PDE1A: variants seen among roughly 807,000 people sequenced by gnomAD.
The protein encoded by PDE1A is phosphodiesterase 1A, also known as dual specificity calcium/calmodulin-dependent 3',5'-cyclic nucleotide phosphodiesterase 1A.
In PDE1A, 35 loss-of-function variants were observed where a neutral mutation model predicts 61.7. That is an observed-to-expected ratio of 0.57 (90% confidence interval 0.43 to 0.75). PDE1A has a LOEUF of 0.75. Ranked by LOEUF, PDE1A falls within the 30% of genes least tolerant of loss-of-function variation. PDE1A has a pLI of 0.00. For missense variants in PDE1A, 597 were observed against 630.6 expected, an observed-to-expected ratio of 0.95 and a Z score of 0.57; for synonymous variants, 232 against 213.2, an observed-to-expected ratio of 1.09 and a Z score of -0.77.
At chr2:182,536,845 G>C in the PDE1A span, among the ~76,000 whole-genome samples, 1 of 152,128 alleles carries the variant, frequency 6.6e-6, no homozygotes, top group Non-Finnish European at 1.5e-5. Flanking sequence ...TGCCTTTGGA[G>C]CCTTGAGCCA....
intron 1 of PDE1A, among the ~76,000 whole-genome samples, chr2:182,382,177 A>C (rs1700775572): frequency 6.6e-6 from 1 of 152,202 alleles, no homozygotes; most frequent in South Asian, 2.1e-4. Context: ...GTAAAGCTAG[A>C]CTTAAAATTA....
chr2:182,440,511 A>G (rs908363698), intron 2 of PDE1A, among the ~76,000 whole-genome samples: 3 of 152,052 alleles, frequency 2.0e-5, no homozygotes, highest in East Asian at 1.9e-4. Flanking sequence ...CTTCCACTCA[A>G]CTGCAGCAAA....
intron 1 of PDE1A, among the ~76,000 whole-genome samples, chr2:182,282,955 C>T (rs1035153318): frequency 2.6e-5 from 4 of 151,928 alleles, no homozygotes; most frequent in African/African-American, 9.7e-5. Flanking sequence ...ACAGAAGAGG[C>T]ATGTCTAAAA....
At chr2:182,382,134 C>G (rs374533170) in intron 1 of PDE1A, among the ~76,000 whole-genome samples, 2 of 152,060 alleles carry the variant, frequency 1.3e-5, no homozygotes, top group Admixed American at 1.3e-4. Flanking sequence ...GAAACTGTGA[C>G]TATGATAAAA....
intron 1 of PDE1A, among the ~76,000 whole-genome samples, chr2:182,291,157 C>A (rs79052991): frequency 0.01 from 1,553 of 152,224 alleles, 28 homozygotes; most frequent in South Asian, 0.068. Flanking sequence ...GGTCCATCCT[C>A]CTTCTAGACC....
the PDE1A span, among the ~76,000 whole-genome samples, chr2:182,541,606 A>T: frequency 2.0e-5 from 3 of 152,190 alleles, no homozygotes; most frequent in African/African-American, 7.2e-5. Flanking sequence ...GCTGTGAGAA[A>T]AGCTGCCCTA....
At chr2:182,454,415 C>A (rs1290814373) in intron 2 of PDE1A, among the ~76,000 whole-genome samples, 14 of 152,228 alleles carry the variant, frequency 9.2e-5, no homozygotes, top group East Asian at 1.9e-4. Context: ...TTGGAAAAAA[C>A]TACTTTAAAG....
chr2:182,450,527 C>T (rs1313769622), intron 2 of PDE1A, among the ~76,000 whole-genome samples: 5 of 148,874 alleles, frequency 3.4e-5, no homozygotes, highest in African/African-American at 2.5e-5. Context: ...ATACCAATGA[C>T]ATCAAGCTAG....
chr2:182,210,362 A>G (rs1264011784), intron 7 of PDE1A, among the ~76,000 whole-genome samples: 2 of 152,104 alleles, frequency 1.3e-5, no homozygotes, highest in Non-Finnish European at 2.9e-5. Context: ...CTATTGATCT[A>G]TTTGGTATCT....
downstream of PDE1A, among the ~76,000 whole-genome samples, chr2:182,143,957 A>C (rs534288086): frequency 1.3e-5 from 2 of 152,302 alleles, no homozygotes; most frequent in East Asian, 3.9e-4. Context: ...TCTAGATCAG[A>C]TAGGCATACG....
the PDE1A span, among the ~76,000 whole-genome samples, chr2:182,577,931 CGGAAGGAAGGAAGGAAGGAA>C: frequency 0.032 from 2,622 of 82,224 alleles, 81 homozygotes; most frequent in African/African-American, 0.1. Flanking sequence ...AGAAAGAAAA[CGGAAGGAAGGAAGGAAGGAA>C]GGAAGGAAGG....
At position 182,209,343 on chromosome 2, in the gene PDE1A, C is replaced by A. The variant is rs142810800; in HGVS notation, c.777-3278G>T. ...TATCACGAGAACAGTATGGGGGAAA[C>A]CACCCCCATGATTCAATTATCTCCC... On this transcript the variant is annotated intron_variant, in intron 7 of 13. Coordinates refer to ENST00000351439, the Ensembl canonical transcript of PDE1A. Among the ~76,000 whole-genome samples, 540 of 151,950 alleles carry A rather than the reference C, an allele frequency of 3.6e-3. 1 individual carries two copies. The highest frequency in any genetic ancestry group is 6.1e-3 in the Non-Finnish European group (414 of 67,948).
rs566939963 is a variant in PDE1A at position 182,226,596 on chromosome 2, G to A, written c.676-2632C>T. 9.3e-5 allele frequency among the ~76,000 whole-genome samples: 14 copies of A among 149,840 alleles called. No individual in the cohort carries two copies. The South Asian group carries it at 2.1e-3, about 22-fold the overall frequency. On this transcript the variant is annotated intron_variant, in intron 6 of 13. Transcript: ENST00000351439. ...AGGAATTCTAACTCAGAAAACAGGT[G>A]CTTAAATTCATAAATTTTATAAATG...
the PDE1A span, among the ~76,000 whole-genome samples, chr2:182,539,264 T>C: frequency 6.6e-6 from 1 of 152,218 alleles, no homozygotes; most frequent in Non-Finnish European, 1.5e-5. Flanking sequence ...GTGAAATTCA[T>C]ATCATAAAAG....
chr2:182,442,118 T>C (rs1234571409), intron 2 of PDE1A, among the ~76,000 whole-genome samples: 1 of 152,066 alleles, frequency 6.6e-6, no homozygotes, highest in African/African-American at 2.4e-5. Context: ...AATGGGAATA[T>C]TACTGGTATT....
intron 1 of PDE1A, among the ~76,000 whole-genome samples, chr2:182,423,792 T>C (rs1001207882): frequency 6.6e-6 from 1 of 151,968 alleles, no homozygotes; most frequent in African/African-American, 2.4e-5. Context: ...TCAAGCACCA[T>C]GAACTCAGAA....
chr2:182,272,536 G>A (rs1693105407), intron 1 of PDE1A, among the ~76,000 whole-genome samples: 1 of 152,074 alleles, frequency 6.6e-6, no homozygotes, highest in Non-Finnish European at 1.5e-5. Flanking sequence ...TCTTTTTCAA[G>A]AAGCCACTGA....
chr2:182,587,139 C>G, the PDE1A span, among the ~76,000 whole-genome samples: 1 of 152,132 alleles, frequency 6.6e-6, no homozygotes, highest in Non-Finnish European at 1.5e-5. Flanking sequence ...GCCTGCAGGT[C>G]AGCATTATTG....
intron 1 of PDE1A, among the ~76,000 whole-genome samples, chr2:182,272,002 T>C (rs1693060405): frequency 6.6e-6 from 1 of 152,064 alleles, no homozygotes; most frequent in South Asian, 2.1e-4. Flanking sequence ...ATAATTTACA[T>C]GAAAATGTCA....
Sources: gnomAD v4.1 joint callset for allele counts (sites outside exome capture counted in the v4.1 genomes callset) on GRCh38, gnomAD v4.1.1 for gene constraint, MANE v1.5 for transcripts, NCBI Gene and HGNC (gene_info 2026-07-23, HGNC 2026-07-21) for gene names.